Variants in PHACTR1 observed in about 807,000 individuals in gnomAD.
The protein encoded by PHACTR1 is RPEL repeat containing 1.
A neutral mutation model predicts 69.2 loss-of-function variants in PHACTR1; 16 were observed. The observed-to-expected ratio is 0.23, with a 90% CI of 0.16 to 0.35. The LOEUF is 0.35. Ranked by LOEUF, PHACTR1 falls within the 10% of genes least tolerant of loss-of-function variation. The probability of loss-of-function intolerance (pLI) is 1.00; values close to 1 mark genes in which losing one functional copy is unlikely to be tolerated. For synonymous variants in PHACTR1, 312 were observed against 284.5 expected, an observed-to-expected ratio of 1.10 and a Z score of -0.97; for missense variants, 510 against 734.7, an observed-to-expected ratio of 0.69 and a Z score of 3.54.
At chr6:12,912,051 G>A (rs1468138445) in intron 4 of PHACTR1, among the ~76,000 whole-genome samples, 1 of 152,218 alleles carries the variant, frequency 6.6e-6, no homozygotes. Flanking sequence ...AGGCTGGAGT[G>A]CAGTGGTGAG....
chr6:13,066,999 T>C (rs902643932), intron 5 of PHACTR1, among the ~76,000 whole-genome samples: 6 of 152,276 alleles, frequency 3.9e-5, no homozygotes, highest in East Asian at 1.9e-4. Context: ...ACAAGGTTCA[T>C]TGGGGCTTGT....
chr6:12,954,481 A>G (rs958968801), intron 4 of PHACTR1, among the ~76,000 whole-genome samples: 1 of 151,934 alleles, frequency 6.6e-6, no homozygotes, highest in Admixed American at 6.6e-5. Context: ...AGGCCCTGCC[A>G]CTTGAGAAAA....
chr6:13,147,878 C>T (rs1027253860), intron 5 of PHACTR1, among the ~76,000 whole-genome samples: 1 of 152,052 alleles, frequency 6.6e-6, no homozygotes, highest in African/African-American at 2.4e-5. Flanking sequence ...AAGTGAACAC[C>T]GTGTAACCAC....
chr6:12,912,620 G>A (rs1336693420), intron 4 of PHACTR1, among the ~76,000 whole-genome samples: 1 of 152,130 alleles, frequency 6.6e-6, no homozygotes. Context: ...GAATAGGTTT[G>A]TTTCATCCTC....
rs146690005 is a variant in PHACTR1 at position 12,997,909 on chromosome 6, C to T, written c.251-55456C>T. Reference sequence around the variant, plus strand: ...CAGAGCTTGCAGTGAGCCGAGATCACGCCACTGCACTCCAGCCTGGGCGAC... The same window carrying T: ...CAGAGCTTGCAGTGAGCCGAGATCATGCCACTGCACTCCAGCCTGGGCGAC... On this transcript the variant is annotated intron_variant, in intron 4 of 14. Coordinates refer to ENST00000332995, the MANE Select transcript of PHACTR1 (RefSeq NM_030948.6). Among the ~76,000 whole-genome samples, 858 of 152,170 alleles carry T rather than the reference C, an allele frequency of 5.6e-3. 10 individuals are homozygous for T. Among genetic ancestry groups the T allele is most frequent in the African/African-American group, 0.019 (809 of 41,508 alleles).
At chr6:12,915,946 A>G (rs776605142) in intron 4 of PHACTR1, among the ~76,000 whole-genome samples, 99 of 152,122 alleles carry the variant, frequency 6.5e-4, no homozygotes, top group Admixed American at 1.6e-3. Flanking sequence ...TAACAAAATT[A>G]TCTTTATTAT....
At chr6:12,865,558 G>A (rs1781375137) in intron 4 of PHACTR1, among the ~76,000 whole-genome samples, 1 of 152,136 alleles carries the variant, frequency 6.6e-6, no homozygotes, top group African/African-American at 2.4e-5. Context: ...TCTCTTTAAT[G>A]GGCACCTTTG....
chr6:12,747,413 C>T (rs1347769222), intron 3 of PHACTR1, among the ~76,000 whole-genome samples: 1 of 151,926 alleles, frequency 6.6e-6, no homozygotes, highest in Non-Finnish European at 1.5e-5. Flanking sequence ...CTTGTATTCC[C>T]AGCAGTTTGA....
At chr6:13,264,544 A>AC (rs1776343891) in intron 10 of PHACTR1, among the ~76,000 whole-genome samples, 1 of 151,920 alleles carries the variant, frequency 6.6e-6, no homozygotes, top group Non-Finnish European at 1.5e-5. Context: ...ACATGGTGAA[A>AC]CCCCATCTCT....
chr6:12,784,037 C>T (rs1771167892), intron 4 of PHACTR1, among the ~76,000 whole-genome samples: 1 of 151,302 alleles, frequency 6.6e-6, no homozygotes, highest in South Asian at 2.1e-4. Flanking sequence ...TATGCACACA[C>T]ATATCTATAC....
chr6:12,941,832 A>G (rs1253584471), intron 4 of PHACTR1, among the ~76,000 whole-genome samples: 1 of 152,220 alleles, frequency 6.6e-6, no homozygotes, highest in East Asian at 1.9e-4. Flanking sequence ...ACTGGCATAG[A>G]AAAATATGTA....
intron 11 of PHACTR1, 75 bp from the exon 12 acceptor site, chr6:13,278,193 G>C (rs1468017589): frequency 7.0e-7 from 1 of 1,424,822 alleles, no homozygotes; most frequent in African/African-American, 1.4e-5. Flanking sequence ...CCTAGAGCCT[G>C]CCAAGGTCCA....
At chr6:12,720,298 G>T (rs895967442) in intron 3 of PHACTR1, among the ~76,000 whole-genome samples, 1 of 152,222 alleles carries the variant, frequency 6.6e-6, no homozygotes, top group Admixed American at 6.5e-5. Context: ...CCGCTGAACC[G>T]CATAGCTGTT....
intron 4 of PHACTR1, among the ~76,000 whole-genome samples, chr6:12,854,978 A>G (rs567466090): frequency 9.1e-4 from 139 of 152,312 alleles, no homozygotes; most frequent in African/African-American, 3.2e-3. Context: ...CAGTTTGCAG[A>G]TTTCTCAAAC....
At chr6:13,002,485 A>G (rs1184796820) in intron 4 of PHACTR1, among the ~76,000 whole-genome samples, 2 of 152,170 alleles carry the variant, frequency 1.3e-5, no homozygotes, top group South Asian at 2.1e-4. Flanking sequence ...TGTGTCTTCT[A>G]TATTACCCTC....
Position 13,100,222 on chromosome 6 carries a change from A to G in PHACTR1, c.415+46693A>G, listed in dbSNP as rs531158126. The stretch of plus-strand genomic sequence containing the variant: ...TAAGTTTTGGGGGATAAAGACCCCA[A>G]GAAACAGGTAAACTTGTTATTTTTA... On this transcript the variant is annotated intron_variant, in intron 5 of 14. Transcript: ENST00000332995. Among the ~76,000 whole-genome samples the G allele has an allele frequency of 9.8e-5, 15 of 152,362 alleles. No individual in the cohort carries two copies. In the East Asian group the frequency reaches 2.1e-3, roughly 22 times the overall value.
intron 5 of PHACTR1, among the ~76,000 whole-genome samples, chr6:13,092,481 A>C (rs908942123): frequency 3.3e-5 from 5 of 152,248 alleles, no homozygotes; most frequent in Admixed American, 1.3e-4. Flanking sequence ...TCAAGATCTC[A>C]ATGTCAGAAG....
intron 4 of PHACTR1, among the ~76,000 whole-genome samples, chr6:12,928,386 G>A (rs761213940): frequency 2.0e-5 from 3 of 152,120 alleles, no homozygotes; most frequent in Admixed American, 6.5e-5. Context: ...ACCTACGAAC[G>A]GGACTGGCTT....
chr6:12,872,587 A>G (rs956255138), intron 4 of PHACTR1, among the ~76,000 whole-genome samples: 4 of 152,212 alleles, frequency 2.6e-5, no homozygotes, highest in Non-Finnish European at 2.9e-5. Context: ...AGGATATACG[A>G]TGTGACTATT....
Sources: allele counts gnomAD v4.1 joint callset (sites outside exome capture counted in the v4.1 genomes callset), GRCh38; gene constraint gnomAD v4.1.1; transcripts MANE v1.5; gene names NCBI Gene and HGNC (gene_info 2026-07-23, HGNC 2026-07-21).